ZBTB20: variants seen among roughly 807,000 people sequenced by gnomAD.
ZBTB20 encodes zinc finger and BTB domain-containing protein 20.
A neutral mutation model predicts 56.9 loss-of-function variants in ZBTB20; 9 were observed. The ratio of observed to expected loss-of-function variants is 0.16; its 90% CI spans 0.10 to 0.28. The LOEUF is 0.28. ZBTB20 is among the 10% of genes least tolerant of loss of function. The pLI is 1.00. For missense variants in ZBTB20, 655 were observed against 1,003.0 expected, an observed-to-expected ratio of 0.65 and a Z score of 4.69; for synonymous variants, 417 against 420.7, an observed-to-expected ratio of 0.99 and a Z score of 0.11.
intron 6 of ZBTB20, among the ~76,000 whole-genome samples, chr3:114,579,740 T>A (rs1358322325): frequency 1.3e-5 from 2 of 151,260 alleles, no homozygotes; most frequent in South Asian, 2.1e-4. Context: ...GAGGGGAACA[T>A]AAGGACAAAA....
intron 2 of ZBTB20, among the ~76,000 whole-genome samples, chr3:114,978,288 A>G (rs1419706692): frequency 1.3e-5 from 2 of 148,446 alleles, no homozygotes; most frequent in East Asian, 3.9e-4. Context: ...ATAAAATAGT[A>G]ATACTTATTA....
chr3:115,126,251 C>T (rs1287531893), intron 1 of ZBTB20, among the ~76,000 whole-genome samples: 1 of 152,092 alleles, frequency 6.6e-6, no homozygotes, highest in Non-Finnish European at 1.5e-5. Context: ...TTATACAATG[C>T]TGGTGGGAGT....
chr3:114,801,587 G>A (rs1023304256), intron 4 of ZBTB20, among the ~76,000 whole-genome samples: 1 of 151,658 alleles, frequency 6.6e-6, no homozygotes, highest in Non-Finnish European at 1.5e-5. Context: ...AAATCTATGG[G>A]TCTGAATACA....
rs2079383403 is a variant in ZBTB20, at chr3:114,334,537, T to C, written c.*4468A>G. Reference sequence around the variant, plus strand: ...AACAAACATACCTGGAGGAAAACTTTTTTCATTATCAGAATTCACAAATTC... The same window carrying C: ...AACAAACATACCTGGAGGAAAACTTCTTTCATTATCAGAATTCACAAATTC... On this transcript the variant is annotated 3_prime_UTR_variant, in exon 12 of 12. Coordinates refer to ENST00000675478, the MANE Select transcript of ZBTB20 (RefSeq NM_001348800.3). The C allele has an allele frequency of 2.6e-5, 4 of 152,200 alleles. No homozygotes were observed. The highest frequency in any genetic ancestry group is 9.6e-5 in the African/African-American group (4 of 41,456). The allele number at this position is 152,200 out of a possible 1,614,324, so 9.4% of individuals were successfully genotyped here.
chr3:114,406,909 A>G (rs1282883492), intron 7 of ZBTB20, among the ~76,000 whole-genome samples: 2 of 152,214 alleles, frequency 1.3e-5, no homozygotes, highest in Non-Finnish European at 2.9e-5. Flanking sequence ...AAACTTTTAC[A>G]TATCTTTGTT....
chr3:114,859,086 T>C (rs1481484847), intron 4 of ZBTB20, among the ~76,000 whole-genome samples: 1 of 152,046 alleles, frequency 6.6e-6, no homozygotes, highest in African/African-American at 2.4e-5. Flanking sequence ...AGAAAAAAAA[T>C]ATTTTTTAAA....
chr3:114,382,772 G>A (rs924863289), intron 8 of ZBTB20, among the ~76,000 whole-genome samples: 5 of 152,128 alleles, frequency 3.3e-5, no homozygotes, highest in East Asian at 1.9e-4. Context: ...TGAAGGTAAG[G>A]AAATGTCTTA....
rs560120448 is a variant in ZBTB20, at chr3:114,938,823, A to T, written c.-456+35543T>A. Among the ~76,000 whole-genome samples, 204 of 142,236 alleles carry T rather than the reference A, an allele frequency of 1.4e-3. 13 individuals carry two copies. The highest frequency in any genetic ancestry group is 1.8e-3 in the Non-Finnish European group (118 of 67,356). 93.3% of individuals were successfully genotyped at this position (142,236 alleles called of 152,430 possible). A position where few individuals can be genotyped will look rare whatever the true frequency, so the allele number is the denominator to read the frequency against. On this transcript the variant is annotated intron_variant, in intron 3 of 11. Transcript: ENST00000675478. ...ATATCCCAGAACTTAAAAGTATAAT[A>T]AAAAAAAAATTCTAGAAAAAGAAGT...
intron 4 of ZBTB20, among the ~76,000 whole-genome samples, chr3:114,881,801 G>A (rs900886637): frequency 1.3e-5 from 2 of 151,654 alleles, no homozygotes; most frequent in Non-Finnish European, 3.0e-5. Flanking sequence ...TAAAAAAATT[G>A]GTGCTTTTAT....
chr3:114,580,188 T>C (rs1466358895), intron 6 of ZBTB20, among the ~76,000 whole-genome samples: 3 of 151,584 alleles, frequency 2.0e-5, no homozygotes, highest in Admixed American at 6.6e-5. Flanking sequence ...TCCAAGAATA[T>C]AAGAACTGTT....
At chr3:114,929,551 T>C (rs1231409265) in intron 3 of ZBTB20, among the ~76,000 whole-genome samples, 2 of 152,204 alleles carry the variant, frequency 1.3e-5, no homozygotes, top group Non-Finnish European at 2.9e-5. Flanking sequence ...AAAAGGAAAT[T>C]ACTATAAAAT....
intron 1 of ZBTB20, among the ~76,000 whole-genome samples, chr3:115,081,153 G>A (rs545874314): frequency 6.6e-6 from 1 of 152,096 alleles, no homozygotes; most frequent in East Asian, 1.9e-4. Flanking sequence ...GGTATTAAAG[G>A]CAAATACCTC....
At chr3:115,058,908 C>T (rs2081914860) in intron 2 of ZBTB20, among the ~76,000 whole-genome samples, 1 of 152,162 alleles carries the variant, frequency 6.6e-6, no homozygotes, top group Non-Finnish European at 1.5e-5. Context: ...TGGATAGTTT[C>T]TATTGCTATG....
chr3:115,073,691 T>C lies in ZBTB20; in HGVS notation c.-702-2277A>G, dbSNP rs146887177. ...AAATATTTATAACTATAAACAAAGA[T>C]AAGAGATTATAATGAGAAAAAATTG... On this transcript the variant is annotated intron_variant, in intron 1 of 11. Coordinates refer to ENST00000675478, the MANE Select transcript of ZBTB20 (RefSeq NM_001348800.3). 4.7e-3 allele frequency among the ~76,000 whole-genome samples: 713 copies of C among 151,948 alleles called. 3 individuals are homozygous for C. The highest frequency in any genetic ancestry group is 0.014 in the Middle Eastern group (4 of 294).
intron 6 of ZBTB20, chr3:114,658,679 T>C (rs1198014674): frequency 6.6e-6 from 1 of 152,238 alleles, no homozygotes; most frequent in Non-Finnish European, 1.5e-5. Context: ...AAATGGAGAA[T>C]AACAATTGAA....
At chr3:114,686,968 G>C (rs1432489464) in intron 6 of ZBTB20, among the ~76,000 whole-genome samples, 1 of 151,866 alleles carries the variant, frequency 6.6e-6, no homozygotes, top group African/African-American at 2.4e-5. Flanking sequence ...AACAACAAGA[G>C]CAACAGGATA....
intron 6 of ZBTB20, among the ~76,000 whole-genome samples, chr3:114,560,736 G>T (rs2051919396): frequency 6.6e-6 from 1 of 152,192 alleles, no homozygotes; most frequent in Non-Finnish European, 1.5e-5. Context: ...CTTTGATGTT[G>T]ATGGTTGCTG....
chr3:114,945,197 T>C (rs1219020720), intron 3 of ZBTB20, among the ~76,000 whole-genome samples: 1 of 145,142 alleles, frequency 6.9e-6, no homozygotes, highest in Admixed American at 6.7e-5. Flanking sequence ...AGTATTCTTT[T>C]AAAAAGTCAA....
chr3:115,006,818 G>A lies in ZBTB20; in HGVS notation c.-506-32402C>T, dbSNP rs78244205. Reference sequence around the variant, plus strand: ...TTTAATAGCCTAATATTTGTTTAGCGTTTTGGTACTAATACATTCCAAGTT... The same window carrying A: ...TTTAATAGCCTAATATTTGTTTAGCATTTTGGTACTAATACATTCCAAGTT... On this transcript the variant is annotated intron_variant, in intron 2 of 11. Transcript: ENST00000675478. Among the ~76,000 whole-genome samples the A allele has an allele frequency of 2.7e-3, 414 of 151,630 alleles. 5 individuals carry two copies. Among genetic ancestry groups the A allele is most frequent in the East Asian group, 0.013 (66 of 5,108 alleles).
Sources: gnomAD v4.1 joint callset for allele counts (sites outside exome capture counted in the v4.1 genomes callset) on GRCh38, gnomAD v4.1.1 for gene constraint, MANE v1.5 for transcripts, NCBI Gene and HGNC (gene_info 2026-07-23, HGNC 2026-07-21) for gene names.